Variants in PRKG1 observed in about 807,000 individuals in gnomAD.
PRKG1 encodes the protein protein kinase cGMP-dependent 1.
A neutral mutation model predicts 88.1 loss-of-function variants in PRKG1; 35 were observed. That is an observed-to-expected ratio of 0.40 (90% CI 0.30 to 0.53). The LOEUF is 0.53. Among genes scored for constraint, PRKG1 ranks in the 20% least tolerant of loss-of-function variants. PRKG1 has a pLI of 0.59. For synonymous variants in PRKG1, 303 were observed against 292.5 expected, an observed-to-expected ratio of 1.04 and a Z score of -0.37; for missense variants, 540 against 839.8, an observed-to-expected ratio of 0.64 and a Z score of 4.41.
chr10:51,943,497 G>A (rs1329347360), intron 5 of PRKG1, among the ~76,000 whole-genome samples: 2 of 151,986 alleles, frequency 1.3e-5, no homozygotes, highest in Non-Finnish European at 2.9e-5. Context: ...TATGTTGAAT[G>A]GGAGTGGTGA....
intron 3 of PRKG1, among the ~76,000 whole-genome samples, chr10:51,553,967 A>AGATACGTGCATATAATATGTGCGTATGT (rs1837219101): frequency 7.5e-6 from 1 of 133,718 alleles, no homozygotes; most frequent in Non-Finnish European, 1.6e-5. Flanking sequence ...TGTATGTATT[A>AGATACGTGCATATAATATGTGCGTATGT]GATACGTGCA....
intron 5 of PRKG1, among the ~76,000 whole-genome samples, chr10:51,987,804 A>C (rs1844202155): frequency 6.6e-6 from 1 of 152,104 alleles, no homozygotes; most frequent in Non-Finnish European, 1.5e-5. Context: ...GATTGCAAAG[A>C]GTTCCCTGGT....
At chr10:51,065,880 AATAT>A in intron 1 of PRKG1, among the ~76,000 whole-genome samples, 1 of 152,264 alleles carries the variant, frequency 6.6e-6, no homozygotes, top group Non-Finnish European at 1.5e-5. Context: ...TAGAATGCGT[AATAT>A]ATAATTATGC....
intron 3 of PRKG1, 109 bp from the exon 4 acceptor site, chr10:51,804,476 T>C: frequency 1.4e-6 from 1 of 730,818 alleles, no homozygotes; most frequent in South Asian, 1.8e-5. Flanking sequence ...AAAAAGTCAA[T>C]CATTTTCATG....
At chr10:51,410,297 T>A (rs1790420354) in intron 2 of PRKG1, among the ~76,000 whole-genome samples, 1 of 149,236 alleles carries the variant, frequency 6.7e-6, no homozygotes, top group Non-Finnish European at 1.5e-5. Context: ...TGTGTAGTAT[T>A]GTATTGTATT....
chr10:51,739,842 G>A (rs1010163473), intron 3 of PRKG1, among the ~76,000 whole-genome samples: 9 of 152,088 alleles, frequency 5.9e-5, no homozygotes, highest in Admixed American at 2.6e-4. Flanking sequence ...GCGTGGTGGC[G>A]CATGCCTGTA....
chr10:52,172,054 G>A (rs1458753559), intron 9 of PRKG1, among the ~76,000 whole-genome samples: 1 of 150,848 alleles, frequency 6.6e-6, no homozygotes, highest in African/African-American at 2.4e-5. Flanking sequence ...CACCCGCCTC[G>A]GCCTCCCAAA....
chr10:51,796,614 C>T (rs149528747), intron 3 of PRKG1, among the ~76,000 whole-genome samples: 17 of 152,164 alleles, frequency 1.1e-4, no homozygotes, highest in Non-Finnish European at 2.2e-4. Flanking sequence ...TTAAAAGGTA[C>T]TGTGCTGGTT....
chr10:51,519,127 G>T (rs1841669780), intron 3 of PRKG1, among the ~76,000 whole-genome samples: 1 of 152,146 alleles, frequency 6.6e-6, no homozygotes, highest in Non-Finnish European at 1.5e-5. Context: ...ACACTGAGCT[G>T]GGTTGGTAAT....
intron 1 of PRKG1, among the ~76,000 whole-genome samples, chr10:51,033,808 T>C (rs937918532): frequency 1.6e-4 from 25 of 151,946 alleles, no homozygotes; most frequent in South Asian, 4.2e-4. Context: ...AGAAAGTAAA[T>C]ACCCTCAACT....
chr10:51,862,478 A>C (rs894942099), intron 4 of PRKG1, among the ~76,000 whole-genome samples: 12 of 152,118 alleles, frequency 7.9e-5, no homozygotes, highest in African/African-American at 2.9e-4. Flanking sequence ...TCTTTACAAC[A>C]AGAGGGGACC....
intron 4 of PRKG1, among the ~76,000 whole-genome samples, chr10:51,886,885 T>C (rs1457442871): frequency 6.6e-6 from 1 of 152,218 alleles, no homozygotes. Flanking sequence ...GCCATCCTTA[T>C]CTGCAAGCTC....
intron 9 of PRKG1, among the ~76,000 whole-genome samples, chr10:52,223,411 A>G (rs1431366389): frequency 6.6e-6 from 1 of 152,084 alleles, no homozygotes; most frequent in Non-Finnish European, 1.5e-5. Context: ...CTAGAACCCC[A>G]TATTCTCCTA....
intron 2 of PRKG1, among the ~76,000 whole-genome samples, chr10:51,160,275 T>A (rs1308338301): frequency 6.6e-6 from 1 of 152,176 alleles, no homozygotes; most frequent in Non-Finnish European, 1.5e-5. Context: ...TACCACTTGT[T>A]TTTGCTCAAT....
chr10:51,034,706 A>ATATATATATATATATG (rs1843332140), intron 1 of PRKG1, among the ~76,000 whole-genome samples: 1 of 140,132 alleles, frequency 7.1e-6, no homozygotes, highest in Non-Finnish European at 1.6e-5. Flanking sequence ...ATATATATAT[A>ATATATATATATATATG]TGCCTTAAAA....
intron 10 of PRKG1, among the ~76,000 whole-genome samples, chr10:52,259,636 G>A (rs1038874911): frequency 6.6e-6 from 1 of 152,018 alleles, no homozygotes; most frequent in East Asian, 1.9e-4. Context: ...TGTGGGCCAG[G>A]TAGTTTGTTC....
intron 3 of PRKG1, among the ~76,000 whole-genome samples, chr10:51,677,852 G>A (rs1176247480): frequency 1.3e-5 from 2 of 152,156 alleles, no homozygotes; most frequent in Non-Finnish European, 2.9e-5. Flanking sequence ...CAGAAGGAGA[G>A]GGAATTGGGC....
rs187646608 is a variant in PRKG1, at chr10:51,704,740, G to A, written c.593-99845G>A. Reference sequence around the variant, plus strand: ...GGCCTCAGAGGAAACCAAGAGAGTTGGTGAGGAGTGTGACAAAAGATGGGC... The same window carrying A: ...GGCCTCAGAGGAAACCAAGAGAGTTAGTGAGGAGTGTGACAAAAGATGGGC... On this transcript the variant is annotated intron_variant, in intron 3 of 17. Coordinates refer to ENST00000373980, the MANE Select transcript of PRKG1 (RefSeq NM_006258.4). Among the ~76,000 whole-genome samples the A allele has an allele frequency of 2.0e-3, 303 of 152,208 alleles. 9 individuals carry two copies. The highest frequency in any genetic ancestry group is 0.017 in the Admixed American group (255 of 15,282).
chr10:51,847,834 C>T (rs1057307490), intron 4 of PRKG1, among the ~76,000 whole-genome samples: 5 of 51,194 alleles, frequency 9.8e-5, no homozygotes, highest in African/African-American at 3.6e-4. Context: ...AGACTCAAGA[C>T]TCTGTTAAAA....
Sources: allele counts gnomAD v4.1 joint callset (sites outside exome capture counted in the v4.1 genomes callset), GRCh38; gene constraint gnomAD v4.1.1; transcripts MANE v1.5; gene names NCBI Gene and HGNC (gene_info 2026-07-23, HGNC 2026-07-21).